The following TJP2 variants were observed in gnomAD, a reference collection of about 807,000 sequenced individuals.
TJP2 encodes the protein Friedreich ataxia region gene X104 (tight junction protein ZO-2).
Under a neutral mutation model 133.1 loss-of-function variants are expected in TJP2, and 91 were observed. The observed-to-expected ratio is 0.68, with a 90% CI of 0.58 to 0.81. The LOEUF (loss-of-function observed/expected upper bound fraction) is 0.81, where lower values mean the gene tolerates loss of function less well. Ranked by LOEUF, TJP2 falls within the 40% of genes least tolerant of loss-of-function variation. The pLI, the probability that TJP2 is intolerant of heterozygous loss-of-function variation, is 0.00. For synonymous variants in TJP2, 592 were observed against 583.4 expected (o/e 1.01, Z -0.21); for missense variants, 1,541 against 1,565.6 (o/e 0.98, Z 0.26).
intron 9 of TJP2, among the ~76,000 whole-genome samples, chr9:69,228,499 T>C (rs926170814): frequency 6.6e-6 from 1 of 152,214 alleles, no homozygotes; most frequent in Non-Finnish European, 1.5e-5. Flanking sequence ...GTGCACCCAC[T>C]GAACCTAAAA....
Position 69,239,960 on chromosome 9 carries a change from G to A in TJP2, c.2379G>A (p.Val793=). Reference sequence around the variant, plus strand: ...AGGATAAGCATGCACTACTGGATGTGACTCCGAAAGCTGTGGACCTGTTGA... The same window carrying A: ...AGGATAAGCATGCACTACTGGATGTAACTCCGAAAGCTGTGGACCTGTTGA... ...IEQDKHALLD[V]TPKAVDLLNY... is the part of the protein sequence containing the mutation. The change falls in exon 17 of 23, where the codon GTG becomes GTA. Residue 793 remains valine (V), a synonymous_variant. Coordinates refer to ENST00000377245, the MANE Select transcript of TJP2 (RefSeq NM_004817.4). The A allele has an allele frequency of 1.9e-6, 3 of 1,614,138 alleles. No individual in the cohort carries two copies. Among genetic ancestry groups the A allele is most frequent in the Non-Finnish European group, 2.5e-6 (3 of 1,180,020 alleles).
At chr9:69,174,486 G>A (rs1040175226) in intron 1 of TJP2, 54 bp downstream of exon 1, 9 of 1,510,254 alleles carry the variant, frequency 6.0e-6, no homozygotes, top group Middle Eastern at 2.0e-4. Flanking sequence ...GCGTGAGCGT[G>A]GGAGCGCTGG....
rs752656233 is a variant in TJP2, at chr9:69,221,109, C to T, written c.565C>T (p.Arg189Trp). 20 of 1,584,306 alleles carry T rather than the reference C, an allele frequency of 1.3e-5. No individual in the cohort carries two copies. The highest frequency in any genetic ancestry group is 1.6e-5 in the Non-Finnish European group (19 of 1,165,854). ...CCATGAGCGGGCCCGGAGCCGGGAG[C>T]GGGACCTCAGCCGGGACCGGAGCCG... ...RPHERARSRE[R>W]DLSRDRSRGR... Residue 189 changes from arginine to tryptophan, a missense_variant, in exon 5 of 23, where the codon CGG (arginine) becomes TGG (tryptophan). Transcript: ENST00000377245.
chr9:69,154,361 C>T (rs1046212804), intron 2 of TJP2, among the ~76,000 whole-genome samples: 4 of 152,196 alleles, frequency 2.6e-5, no homozygotes, highest in South Asian at 2.1e-4. Context: ...TCTGCCAAAC[C>T]GCTCTGGACC....
At chr9:69,228,422 T>G (rs1455256006) in intron 9 of TJP2, among the ~76,000 whole-genome samples, 2 of 152,172 alleles carry the variant, frequency 1.3e-5, no homozygotes, top group African/African-American at 4.8e-5. Flanking sequence ...GCTCACACCT[T>G]GGTGACAGGA....
intron 18 of TJP2, 152 bp downstream of exon 18, chr9:69,246,942 G>T: frequency 1.4e-6 from 1 of 736,200 alleles, no homozygotes. Context: ...CTCTGACCAA[G>T]TAATAAAAAT....
intron 1 of TJP2, among the ~76,000 whole-genome samples, chr9:69,181,730 C>T (rs2132993254): frequency 6.6e-6 from 1 of 152,024 alleles, no homozygotes; most frequent in Admixed American, 6.5e-5. Context: ...TTTGTGTTTG[C>T]TTGCTTGCTT....
chr9:69,249,365 T>G lies in TJP2; in HGVS notation c.2881-10T>G. The G allele has an allele frequency of 6.2e-7, 1 of 1,602,204 alleles. No individual in the cohort carries two copies. Among genetic ancestry groups the G allele is most frequent in the South Asian group, 1.1e-5 (1 of 89,006 alleles). ...TGTTCTTGTTGTGAATGAACCTTTA[T>G]GTCTTGTAGAGCATAAGGAAACCCA... On this transcript the variant is annotated splice_polypyrimidine_tract_variant and intron_variant, in intron 19 of 22. Transcript: ENST00000377245.
At chr9:69,249,331 C>G in intron 19 of TJP2, 44 bp from the exon 20 acceptor site, 1 of 1,567,644 alleles carries the variant, frequency 6.4e-7, no homozygotes, top group Non-Finnish European at 8.7e-7. Flanking sequence ...TCTGTTCTCT[C>G]TGCTTGGATG....
chr9:69,213,712 T>C (rs1007469212), intron 2 of TJP2, among the ~76,000 whole-genome samples: 1 of 152,230 alleles, frequency 6.6e-6, no homozygotes, highest in African/African-American at 2.4e-5. Flanking sequence ...TTTTCAACTT[T>C]CCTCGTCTTT....
intron 11 of TJP2, among the ~76,000 whole-genome samples, chr9:69,233,470 G>T (rs762324204): frequency 1.3e-5 from 2 of 152,130 alleles, no homozygotes; most frequent in Non-Finnish European, 2.9e-5. Flanking sequence ...TTTAAAATAG[G>T]CTGAAAGATA....
At position 69,127,972 on chromosome 9, in the gene TJP2, C is replaced by T. The variant is rs1247386707; in HGVS notation, c.-131+6247C>T. Among the ~76,000 whole-genome samples the T allele has an allele frequency of 1.1e-4, 8 of 72,246 alleles. 3 individuals are homozygous for T. The highest frequency in any genetic ancestry group is 3.4e-4 in the African/African-American group (8 of 23,480). 47.4% of individuals were successfully genotyped at this position (72,246 alleles called of 152,430 possible). ...TTGCCCAGGCTGGAGTGCAGTGGCA[C>T]AATCATGGTTCACTGCTGCAGCCTT... On this transcript the variant is annotated intron_variant, in intron 1 of 5. Coordinates refer to the TJP2 transcript ENST00000423935.
At chr9:69,248,903 G>A (rs947507292) in intron 19 of TJP2, 2 of 988,776 alleles carry the variant, frequency 2.0e-6, no homozygotes, top group African/African-American at 3.6e-5. Context: ...AATTATTGCT[G>A]TGGATTTCTC....
rs1828392109 is a variant in TJP2, at chr9:69,216,523, G to A, written c.239+60G>A. On this transcript the variant is annotated intron_variant, in intron 3 of 22. Coordinates refer to ENST00000377245, the MANE Select transcript of TJP2 (RefSeq NM_004817.4). Reference sequence around the variant, plus strand: ...GCCCTACTGGTTGGCCCTAGACGGGGTATTTTGGTTGGTGTCCACTTTATT... The same window carrying A: ...GCCCTACTGGTTGGCCCTAGACGGGATATTTTGGTTGGTGTCCACTTTATT... 4.4e-6 allele frequency: 7 copies of A among 1,589,634 alleles called. No homozygotes were observed. In the South Asian group the frequency reaches 4.5e-5, roughly 10 times the overall value.
At chr9:69,169,098 T>C (rs1270784625) in intron 2 of TJP2, among the ~76,000 whole-genome samples, 1 of 152,128 alleles carries the variant, frequency 6.6e-6, no homozygotes, top group Non-Finnish European at 1.5e-5. Context: ...TGGCGGAGTT[T>C]TAGCTGCTGC....
Position 69,221,108 on chromosome 9 carries a change from G to GC in TJP2, c.565dup (p.Arg189ProfsTer50). On this transcript the variant is annotated frameshift_variant, in exon 5 of 23. Coordinates refer to ENST00000377245, the MANE Select transcript of TJP2 (RefSeq NM_004817.4). LOFTEE classifies it high-confidence loss of function. ...CCCATGAGCGGGCCCGGAGCCGGGA[G>GC]CGGGACCTCAGCCGGGACCGGAGCC... 1 of 1,584,906 alleles carries GC rather than the reference G, an allele frequency of 6.3e-7. No homozygotes were observed. The highest frequency in any genetic ancestry group is 1.3e-5 in the African/African-American group (1 of 74,366).
rs10577570 is a variant in TJP2, at chr9:69,133,546, C to CTTTTTTTT, written c.-131+11837_-131+11844dup. Among the ~76,000 whole-genome samples, 66 of 104,774 alleles carry CTTTTTTTT rather than the reference C, an allele frequency of 6.3e-4. 3 individuals are homozygous for CTTTTTTTT. The highest frequency in any genetic ancestry group is 2.4e-3 in the African/African-American group (61 of 25,664). The allele number at this position is 104,774 out of a possible 152,430, so 68.7% of individuals were successfully genotyped here. A position where few individuals can be genotyped will look rare whatever the true frequency, so the allele number is the denominator to read the frequency against. On this transcript the variant is annotated intron_variant, in intron 1 of 5. Coordinates refer to the TJP2 transcript ENST00000423935. ...ATGCTTTCCTGTTTCATTTTTCTGG[C>CTTTTTTTT]TTTTTTTTTTTTTTTTTTTTTTTGA... is the stretch of plus-strand genomic sequence containing the variant.
In TJP2 at chr9:69,201,912, A is replaced by C. The variant is rs118178786; in HGVS notation, c.61-10636A>C. ...TTATATGATGTGTCTAATGTAGTCA[A>C]ATTCATAGAATCACAAAACAGAATG... On this transcript the variant is annotated intron_variant, in intron 1 of 22. Transcript: ENST00000377245. Among the ~76,000 whole-genome samples, 5 of 152,310 alleles carry C rather than the reference A, an allele frequency of 3.3e-5. No homozygotes were observed. In the East Asian group the frequency reaches 7.7e-4, roughly 24 times the overall value.
chr9:69,174,494 T>C, intron 1 of TJP2, 62 bp downstream of exon 1: 3 of 1,110,780 alleles, frequency 2.7e-6, no homozygotes, highest in Non-Finnish European at 3.8e-6. Context: ...GTGGGAGCGC[T>C]GGGGGCTCTG....
Sources: allele counts gnomAD v4.1 joint callset (sites outside exome capture counted in the v4.1 genomes callset), GRCh38; gene constraint gnomAD v4.1.1; transcripts MANE v1.5; gene names NCBI Gene and HGNC (gene_info 2026-07-23, HGNC 2026-07-21).